ADCY5: variants seen among roughly 807,000 people sequenced by gnomAD.
The protein encoded by ADCY5 is adenylate cyclase type 5.
A neutral mutation model predicts 119.7 loss-of-function variants in ADCY5; 30 were observed. The observed-to-expected ratio is 0.25, with a 90% CI of 0.19 to 0.34. The LOEUF is 0.34. ADCY5 is among the 10% of genes least tolerant of loss of function. ADCY5 has a pLI of 1.00. For missense variants in ADCY5, 1,324 were observed against 1,775.2 expected, an observed-to-expected ratio of 0.75 and a Z score of 4.57; for synonymous variants, 753 against 762.2, an observed-to-expected ratio of 0.99 and a Z score of 0.20.
intron 8 of ADCY5, 139 bp downstream of exon 8, chr3:123,325,183 G>A (rs1344386881): frequency 1.6e-5 from 19 of 1,175,686 alleles, no homozygotes; most frequent in Middle Eastern, 5.9e-4. Context: ...CCAAAGTTGG[G>A]GCAAACCGCA....
intron 1 of ADCY5, among the ~76,000 whole-genome samples, chr3:123,415,978 T>C (rs183061632): frequency 1.3e-5 from 2 of 152,328 alleles, no homozygotes; most frequent in African/African-American, 4.8e-5. Flanking sequence ...AACTGCTGGT[T>C]GAATGGTAGG....
At chr3:123,429,940 A>T (rs971341679) in intron 1 of ADCY5, among the ~76,000 whole-genome samples, 1 of 152,098 alleles carries the variant, frequency 6.6e-6, no homozygotes, top group African/African-American at 2.4e-5. Flanking sequence ...ACCCAGCAGG[A>T]GTGTCAGCGG....
intron 8 of ADCY5, among the ~76,000 whole-genome samples, chr3:123,325,041 C>A (rs1025874096): frequency 2.6e-5 from 4 of 152,222 alleles, no homozygotes; most frequent in Non-Finnish European, 4.4e-5. Context: ...ATGCCTGCTT[C>A]CAGGCTGTGC....
At chr3:123,377,671 C>A (rs990015219) in intron 1 of ADCY5, among the ~76,000 whole-genome samples, 1 of 152,190 alleles carries the variant, frequency 6.6e-6, no homozygotes, top group African/African-American at 2.4e-5. Context: ...GCATGGAGTG[C>A]TTTTTCTCTG....
intron 3 of ADCY5, among the ~76,000 whole-genome samples, chr3:123,334,912 A>T (rs1267333352): frequency 6.6e-6 from 1 of 152,200 alleles, no homozygotes; most frequent in Non-Finnish European, 1.5e-5. Context: ...GCTGTCAGCT[A>T]ACTGGAACAT....
intron 7 of ADCY5, 60 bp downstream of exon 7, chr3:123,327,558 G>A (rs961636146): frequency 7.9e-6 from 12 of 1,519,768 alleles, no homozygotes; most frequent in East Asian, 4.6e-5. Context: ...AGCAGGTCAC[G>A]AAAATGTTCC....
At chr3:123,291,473 A>G in intron 17 of ADCY5, 97 bp from the exon 18 acceptor site, 1 of 1,466,500 alleles carries the variant, frequency 6.8e-7, no homozygotes, top group Non-Finnish European at 9.2e-7. Flanking sequence ...AAAAAGCACC[A>G]GTCACGCAAA....
intron 1 of ADCY5, chr3:123,416,094 G>A (rs1033946698): frequency 2.1e-6 from 3 of 1,421,328 alleles, no homozygotes; most frequent in Non-Finnish European, 2.9e-6. Context: ...CCCAGGTGAG[G>A]TGTCCAAGAA....
chr3:123,407,736 A>G (rs369502439), intron 1 of ADCY5, among the ~76,000 whole-genome samples: 3 of 143,640 alleles, frequency 2.1e-5, no homozygotes, highest in East Asian at 4.6e-4. Context: ...ACTGCACTGC[A>G]GCCTGGGCAA....
chr3:123,317,330 G>T (rs1157750361), intron 11 of ADCY5, among the ~76,000 whole-genome samples: 1 of 85,812 alleles, frequency 1.2e-5, no homozygotes, highest in Non-Finnish European at 2.7e-5. Context: ...ATCTTTTGAA[G>T]ATTTTTTTTT....
chr3:123,396,905 C>T (rs1468469632), intron 1 of ADCY5, among the ~76,000 whole-genome samples: 1 of 151,876 alleles, frequency 6.6e-6, no homozygotes, highest in East Asian at 1.9e-4. Flanking sequence ...CACACAGGGG[C>T]ATGCACGCCT....
At chr3:123,421,724 G>A (rs2107637547) in intron 1 of ADCY5, among the ~76,000 whole-genome samples, 1 of 152,280 alleles carries the variant, frequency 6.6e-6, no homozygotes, top group South Asian at 2.1e-4. Flanking sequence ...CTCCCCCACT[G>A]GCCTCCCAGG....
chr3:123,404,281 G>C (rs1440239494), intron 1 of ADCY5: 3 of 152,142 alleles, frequency 2.0e-5, no homozygotes, highest in Non-Finnish European at 4.4e-5. Flanking sequence ...GAGAACATAA[G>C]ACTCAAAAAA....
At chr3:123,435,391 A>G (rs2083408590) in intron 1 of ADCY5, among the ~76,000 whole-genome samples, 1 of 152,202 alleles carries the variant, frequency 6.6e-6, no homozygotes, top group African/African-American at 2.4e-5. Context: ...TAGCGCCAAA[A>G]CTAGAGAAAT....
At position 123,293,703 on chromosome 3, in the gene ADCY5, G is replaced by A. The variant is rs142202616; in HGVS notation, c.3064-2327C>T. Among the ~76,000 whole-genome samples the A allele has an allele frequency of 1.5e-4, 23 of 152,298 alleles. No individual in the cohort carries two copies. In the East Asian group the frequency reaches 2.9e-3, roughly 19 times the overall value. ...AACAGGGAAGGCTGGGAAGAAGCCC[G>A]AGGTATTGGATTAAAATGGGAGGTA... On this transcript the variant is annotated intron_variant, in intron 17 of 20. Coordinates refer to ENST00000462833, the MANE Select transcript of ADCY5 (RefSeq NM_183357.3).
In ADCY5 at chr3:123,436,132, C is replaced by T. The variant is rs1945611118; in HGVS notation, c.1134+11280G>A. ...GCCTCAATCTCCTGACCTCGTGATCCGCCCGCCTCAGCCTCCCAAAGTGTT... is the reference window on the plus strand; with the variant it reads ...GCCTCAATCTCCTGACCTCGTGATCTGCCCGCCTCAGCCTCCCAAAGTGTT... On this transcript the variant is annotated intron_variant, in intron 1 of 20. Coordinates refer to ENST00000462833, the MANE Select transcript of ADCY5 (RefSeq NM_183357.3). Among the ~76,000 whole-genome samples, 4 of 151,696 alleles carry T rather than the reference C, an allele frequency of 2.6e-5. No homozygotes were observed. In the South Asian group the frequency reaches 8.4e-4, roughly 32 times the overall value.
intron 3 of ADCY5, among the ~76,000 whole-genome samples, chr3:123,345,395 T>C (rs1235484280): frequency 6.6e-6 from 1 of 152,226 alleles, no homozygotes; most frequent in African/African-American, 2.4e-5. Context: ...TTCCTTTGTG[T>C]TCCACTGAAT....
intron 1 of ADCY5, among the ~76,000 whole-genome samples, chr3:123,413,864 G>T (rs1034010989): frequency 2.6e-5 from 4 of 152,172 alleles, no homozygotes; most frequent in South Asian, 4.1e-4. Context: ...CAAAGGGGTG[G>T]GGGGGCTGCA....
chr3:123,373,107 C>T (rs950307271), intron 1 of ADCY5, among the ~76,000 whole-genome samples: 14 of 152,230 alleles, frequency 9.2e-5, no homozygotes, highest in African/African-American at 3.4e-4. Context: ...GGCCAAGTCT[C>T]ATGGAGCTGC....
Sources: gnomAD v4.1 joint callset for allele counts (sites outside exome capture counted in the v4.1 genomes callset) on GRCh38, gnomAD v4.1.1 for gene constraint, MANE v1.5 for transcripts, NCBI Gene and HGNC (gene_info 2026-07-23, HGNC 2026-07-21) for gene names.